EPG5: variants seen among roughly 807,000 people sequenced by gnomAD.
EPG5 encodes the protein ectopic P granules protein 5 homolog.
Under a neutral mutation model 302.7 loss-of-function variants are expected in EPG5, and 159 were observed. The ratio of observed to expected loss-of-function variants is 0.53; its 90% CI spans 0.46 to 0.60. EPG5 has a LOEUF of 0.60. Ranked by LOEUF, EPG5 falls within the 20% of genes least tolerant of loss-of-function variation. The pLI, the probability that EPG5 is intolerant of heterozygous loss-of-function variation, is 0.00. For synonymous variants in EPG5, 1,158 were observed against 1,136.8 expected (o/e 1.02, Z -0.37); for missense variants, 2,896 against 3,092.4 (o/e 0.94, Z 1.51).
chr18:45,859,394 T>G (rs1289407414), intron 40 of EPG5, among the ~76,000 whole-genome samples: 2 of 152,130 alleles, frequency 1.3e-5, no homozygotes, highest in South Asian at 2.1e-4. Context: ...GTGCTGTTCA[T>G]GGGTGGTCAG....
At chr18:45,950,124 C>T (rs57064984) in intron 4 of EPG5, among the ~76,000 whole-genome samples, 2,521 of 152,186 alleles carry the variant, frequency 0.017, 81 homozygotes, top group African/African-American at 0.057. Flanking sequence ...TTAAATATCA[C>T]GACAAAAAGA....
At chr18:45,802,831 G>T in the EPG5 span, among the ~76,000 whole-genome samples, 1 of 152,202 alleles carries the variant, frequency 6.6e-6, no homozygotes, top group African/African-American at 2.4e-5. Context: ...GGTAAATCAA[G>T]TTTATACCTT....
chr18:45,922,564 T>C lies in EPG5; in HGVS notation c.2875A>G (p.Thr959Ala). 6.2e-7 allele frequency: 1 copy of C among 1,614,202 alleles called. No individual in the cohort carries two copies. The highest frequency in any genetic ancestry group is 1.1e-5 in the South Asian group (1 of 91,078). ...YLASIVRYGE[T>A]PETSFNQWAW... ...CATTGGTTAAATGAGGTCTCGGGTG[T>C]CTCTCCATATCGAACAATACTGGCC... Residue 959 changes from threonine (T) to alanine (A), a missense_variant, in exon 16 of 44, where the codon ACA (threonine) becomes GCA (alanine). Around this residue, in one of 5 missense-constraint regions of EPG5, gnomAD observed 1,390 missense variants for 1,430.0 expected, o/e 0.97. Coordinates refer to ENST00000282041, the MANE Select transcript of EPG5 (RefSeq NM_020964.3).
intron 10 of EPG5, among the ~76,000 whole-genome samples, chr18:45,935,751 C>T (rs1341456127): frequency 6.6e-6 from 1 of 152,170 alleles, no homozygotes; most frequent in Non-Finnish European, 1.5e-5. Context: ...GTACTCCTCT[C>T]TGAACACTGA....
intron 42 of EPG5, 31 bp downstream of exon 42, chr18:45,857,822 G>C: frequency 6.3e-7 from 1 of 1,592,230 alleles, no homozygotes; most frequent in Non-Finnish European, 8.6e-7. Flanking sequence ...GGCCTATTTA[G>C]AACAACAGTG....
chr18:45,943,126 A>T (rs1187916280), intron 9 of EPG5, 35 bp downstream of exon 9: 1 of 1,599,624 alleles, frequency 6.3e-7, no homozygotes, highest in Non-Finnish European at 8.5e-7. Flanking sequence ...CCAGGGTGAA[A>T]GGAACAGAGA....
At chr18:45,883,157 T>A (rs1327657278) in intron 30 of EPG5, among the ~76,000 whole-genome samples, 2 of 152,204 alleles carry the variant, frequency 1.3e-5, no homozygotes, top group Non-Finnish European at 2.9e-5. Context: ...GATTCATTAT[T>A]GGCTTATAAT....
intron 21 of EPG5, among the ~76,000 whole-genome samples, chr18:45,912,679 C>A (rs953744603): frequency 6.6e-6 from 1 of 152,228 alleles, no homozygotes; most frequent in African/African-American, 2.4e-5. Flanking sequence ...CAAAACACTT[C>A]ACAGACCCCA....
intron 1 of EPG5, among the ~76,000 whole-genome samples, chr18:45,958,927 G>A (rs2143844708): frequency 6.6e-6 from 1 of 152,258 alleles, no homozygotes; most frequent in Middle Eastern, 3.4e-3. Context: ...CTGACTCAGT[G>A]CAAGAAAACA....
At chr18:45,902,700 C>T (rs2049648209) in intron 25 of EPG5, among the ~76,000 whole-genome samples, 1 of 152,088 alleles carries the variant, frequency 6.6e-6, no homozygotes, top group Non-Finnish European at 1.5e-5. Context: ...CTGAGAAAAA[C>T]CTGAAACTCA....
the EPG5 span, among the ~76,000 whole-genome samples, chr18:45,840,551 C>A: frequency 6.6e-6 from 1 of 152,342 alleles, no homozygotes; most frequent in South Asian, 2.1e-4. Flanking sequence ...GGACACTCAT[C>A]CCCGTTCCCC....
the EPG5 span, among the ~76,000 whole-genome samples, chr18:45,840,438 G>A: frequency 6.6e-6 from 1 of 152,162 alleles, no homozygotes; most frequent in Non-Finnish European, 1.5e-5. Flanking sequence ...GACAGACCAA[G>A]CCTCGCTGAC....
At chr18:45,839,522 C>A in the EPG5 span, among the ~76,000 whole-genome samples, 10 of 152,140 alleles carry the variant, frequency 6.6e-5, no homozygotes, top group African/African-American at 2.4e-4. Context: ...CCCTGCCCTG[C>A]AGTGCGTGCT....
At chr18:45,926,344 T>A (rs991845431) in intron 13 of EPG5, among the ~76,000 whole-genome samples, 1 of 152,092 alleles carries the variant, frequency 6.6e-6, no homozygotes, top group Non-Finnish European at 1.5e-5. Context: ...GGTGGTAAGA[T>A]GAAACAAGAT....
chr18:45,929,117 C>A, intron 12 of EPG5, 108 bp from the exon 13 acceptor site: 3 of 1,120,424 alleles, frequency 2.7e-6, no homozygotes, highest in East Asian at 2.6e-5. Context: ...TACATTGAGC[C>A]TTAATTGACA....
Position 45,955,235 on chromosome 18 carries a change from T to C in EPG5, c.167A>G (p.Lys56Arg), listed in dbSNP as rs761554872. Residue 56 changes from lysine (K) to arginine (R), a missense_variant, in exon 2 of 44, where the codon AAA (lysine) becomes AGA (arginine). By Grantham distance (26) the Lys-to-Arg change is conservative (BLOSUM62 2). This residue lies in a region of EPG5 where 1,390 missense variants were observed against 1,430.0 expected (regional missense o/e 0.97). Transcript: ENST00000282041. ...QEIPSLACEF[K>R]GDHLKVVTDS... ...AGTTACCACCTTCAGATGGTCTCCT[T>C]TGAATTCACAGGCTAGAGAAGGGAT... 2.0e-5 allele frequency: 32 copies of C among 1,614,090 alleles called. No individual in the cohort carries two copies. In the Admixed American group the frequency reaches 3.2e-4, roughly 16 times the overall value.
the EPG5 span, among the ~76,000 whole-genome samples, chr18:45,817,356 CTTTCT>C: frequency 3.9e-5 from 6 of 152,148 alleles, no homozygotes; most frequent in Non-Finnish European, 8.8e-5. Context: ...AGTTTCTTTC[CTTTCT>C]TTTCTCTACC....
In EPG5 at chr18:45,858,026, T is replaced by A; in HGVS notation, c.7269A>T (p.Gln2423His). ...TCTGAATGAGGGAGAGCTGAAGGAC[T>A]TGGTGCCACCACAAAAACAGCTTTG... ...EEAKLFLWWH[Q>H]VLQLSLIQTE... The change falls in exon 42 of 44, where the codon CAA (glutamine) becomes CAT (histidine). Residue 2423 changes from glutamine (Q) to histidine (H), a missense_variant. By Grantham distance (24) the Gln-to-His change is conservative. This residue lies in a region of EPG5 where 620 missense variants were observed against 704.2 expected (regional missense o/e 0.88). Transcript: ENST00000282041. 1 of 1,613,864 alleles carries A rather than the reference T, an allele frequency of 6.2e-7. No individual in the cohort carries two copies. The highest frequency in any genetic ancestry group is 8.5e-7 in the Non-Finnish European group (1 of 1,179,940).
intron 43 of EPG5, among the ~76,000 whole-genome samples, chr18:45,854,798 C>T (rs2048480613): frequency 6.6e-6 from 1 of 152,162 alleles, no homozygotes; most frequent in Non-Finnish European, 1.5e-5. Context: ...GAGTTCAAGG[C>T]TGCAGTGAGA....
Sources: allele counts gnomAD v4.1 joint callset (sites outside exome capture counted in the v4.1 genomes callset), GRCh38; gene constraint gnomAD v4.1.1; regional missense constraint gnomAD v4.1.1; transcripts MANE v1.5; gene names NCBI Gene and HGNC (gene_info 2026-07-23, HGNC 2026-07-21).